TAFA2: variants seen among roughly 807,000 people sequenced by gnomAD.
TAFA2 encodes TAFA chemokine like family member 2, also known as chemokine-like protein TAFA-2.
In TAFA2, 7 loss-of-function variants were observed where a neutral mutation model predicts 18.8. That is an observed-to-expected ratio of 0.37 (90% confidence interval 0.21 to 0.70). TAFA2 has a LOEUF of 0.70. TAFA2 is among the 30% of genes least tolerant of loss of function. The pLI is 0.53. For missense variants in TAFA2, 122 were observed against 158.1 expected (o/e 0.77, Z 1.23); for synonymous variants, 60 against 54.2 (o/e 1.11, Z -0.47).
intron 1 of TAFA2, chr12:62,140,480 ATG>A (rs2062232146): frequency 6.6e-6 from 1 of 152,242 alleles, no homozygotes; most frequent in Non-Finnish European, 1.5e-5. Flanking sequence ...AAGAGCTCTG[ATG>A]AACAGTACTC....
chr12:61,975,489 C>A (rs1879397004), intron 1 of TAFA2, among the ~76,000 whole-genome samples: 1 of 125,298 alleles, frequency 8.0e-6, no homozygotes, highest in South Asian at 2.5e-4. Flanking sequence ...ATAACTGGAT[C>A]TCCTTTTTAA....
intron 2 of TAFA2, among the ~76,000 whole-genome samples, chr12:61,788,427 C>T (rs1036465281): frequency 6.6e-6 from 1 of 151,670 alleles, no homozygotes; most frequent in Admixed American, 6.6e-5. Flanking sequence ...GTAAATGGTA[C>T]ATTCTCTTGA....
At chr12:62,029,168 C>A (rs1881384577) in intron 1 of TAFA2, among the ~76,000 whole-genome samples, 1 of 151,964 alleles carries the variant, frequency 6.6e-6, no homozygotes, top group Non-Finnish European at 1.5e-5. Flanking sequence ...TGTTTTGATT[C>A]TAAATGAAAT....
chr12:62,129,524 A>T (rs1025122118), intron 1 of TAFA2, among the ~76,000 whole-genome samples: 1 of 152,050 alleles, frequency 6.6e-6, no homozygotes, highest in Non-Finnish European at 1.5e-5. Flanking sequence ...TACGGTGGTA[A>T]TGAACGTTGA....
intron 1 of TAFA2, among the ~76,000 whole-genome samples, chr12:61,923,304 C>T (rs925672314): frequency 1.3e-5 from 2 of 152,288 alleles, no homozygotes; most frequent in Middle Eastern, 3.4e-3. Flanking sequence ...GGAGACACCT[C>T]CCAGCAGGGG....
chr12:62,117,677 T>C (rs1870018346), intron 1 of TAFA2, among the ~76,000 whole-genome samples: 1 of 152,148 alleles, frequency 6.6e-6, no homozygotes, highest in Non-Finnish European at 1.5e-5. Context: ...ATGAGTCCTA[T>C]GTTTCCTTTT....
At chr12:61,804,138 A>C (rs183164197) in intron 2 of TAFA2, among the ~76,000 whole-genome samples, 3 of 151,962 alleles carry the variant, frequency 2.0e-5, no homozygotes, top group African/African-American at 4.8e-5. Context: ...CTGGAGTATC[A>C]GTTCACAGTT....
chr12:61,952,812 CTAAT>C (rs201944003), intron 1 of TAFA2, among the ~76,000 whole-genome samples: 1,535 of 151,942 alleles, frequency 0.01, 23 homozygotes, highest in African/African-American at 0.035. Flanking sequence ...GGCATTCTCC[CTAAT>C]TAAATACGTG....
chr12:62,252,809 A>G (rs1421282665), intron 1 of TAFA2: 1 of 152,136 alleles, frequency 6.6e-6, no homozygotes, highest in Non-Finnish European at 1.5e-5. Flanking sequence ...CAATAAAATG[A>G]ATCCCTTTGT....
At chr12:62,131,510 T>C (rs979553679) in intron 1 of TAFA2, among the ~76,000 whole-genome samples, 28 of 152,192 alleles carry the variant, frequency 1.8e-4, no homozygotes, top group African/African-American at 4.1e-4. Flanking sequence ...ATGTTTTCAA[T>C]TGTGCTCCTG....
intron 1 of TAFA2, among the ~76,000 whole-genome samples, chr12:62,136,869 G>A (rs544393116): frequency 1.3e-5 from 2 of 152,248 alleles, no homozygotes; most frequent in South Asian, 4.1e-4. Context: ...TTTGAAAAAT[G>A]TCATAATCTA....
At chr12:62,244,455 AAC>A (rs1031292020) in intron 1 of TAFA2, among the ~76,000 whole-genome samples, 6 of 152,178 alleles carry the variant, frequency 3.9e-5, no homozygotes, top group African/African-American at 1.4e-4. Context: ...CCAAATATGC[AAC>A]AGTTTATTAA....
intron 4 of TAFA2, among the ~76,000 whole-genome samples, chr12:61,728,278 G>T (rs1261671660): frequency 1.3e-5 from 2 of 151,760 alleles, no homozygotes; most frequent in Admixed American, 1.3e-4. Context: ...TTGTTTTTTT[G>T]TTGACTTTCT....
chr12:62,189,160 TA>T lies in TAFA2; in HGVS notation c.-2+2098del, dbSNP rs565618290. 3.0e-3 allele frequency among the ~76,000 whole-genome samples: 455 copies of T among 151,832 alleles called. 2 individuals carry two copies. The highest frequency in any genetic ancestry group is 6.8e-3 in the Middle Eastern group (2 of 294). On this transcript the variant is annotated intron_variant, in intron 1 of 4. Transcript: ENST00000416284. ...AAGCATCCTAAAGTACTAAATTTTT[TA>T]AAGGCAAGAAAAGAATCAAGATTTT...
chr12:61,927,253 A>T (rs1239642345), intron 1 of TAFA2, among the ~76,000 whole-genome samples: 1 of 152,116 alleles, frequency 6.6e-6, no homozygotes, highest in Non-Finnish European at 1.5e-5. Context: ...ATGATTGTAT[A>T]TTTAGAAAAA....
intron 2 of TAFA2, among the ~76,000 whole-genome samples, chr12:61,782,956 A>G (rs1870568293): frequency 6.6e-6 from 1 of 151,786 alleles, no homozygotes; most frequent in Admixed American, 6.6e-5. Context: ...AATAAAGAGC[A>G]CAACTGACAT....
chr12:62,238,756 G>A (rs536703883), intron 1 of TAFA2, among the ~76,000 whole-genome samples: 4 of 152,246 alleles, frequency 2.6e-5, no homozygotes, highest in African/African-American at 9.6e-5. Context: ...AATATTTGTT[G>A]AACTAAACCT....
At chr12:62,105,630 C>T (rs527884046) in intron 1 of TAFA2, among the ~76,000 whole-genome samples, 3 of 152,228 alleles carry the variant, frequency 2.0e-5, no homozygotes, top group East Asian at 1.9e-4. Context: ...CATGTTAGAA[C>T]TTATTTAGCT....
intron 1 of TAFA2, among the ~76,000 whole-genome samples, chr12:62,160,287 T>C (rs922756226): frequency 3.3e-5 from 5 of 152,214 alleles, no homozygotes; most frequent in African/African-American, 4.8e-5. Context: ...TCTATGAGTA[T>C]GCATTGAGGC....
Sources: gnomAD v4.1 joint callset for allele counts (sites outside exome capture counted in the v4.1 genomes callset) on GRCh38, gnomAD v4.1.1 for gene constraint, MANE v1.5 for transcripts, NCBI Gene and HGNC (gene_info 2026-07-23, HGNC 2026-07-21) for gene names.